The following CCDC102B variants were observed in gnomAD, a reference collection of about 807,000 sequenced individuals.
The protein encoded by CCDC102B is coiled-coil domain containing 102B.
Under a neutral mutation model 57.4 loss-of-function variants are expected in CCDC102B, and 75 were observed. The observed-to-expected ratio is 1.31, with a 90% confidence interval of 1.08 to 1.58. CCDC102B has a LOEUF of 1.58. Among genes scored for constraint, CCDC102B ranks in the 40% most tolerant of loss-of-function variants. CCDC102B has a pLI of 0.00. For missense variants in CCDC102B, 636 were observed against 582.6 expected, an observed-to-expected ratio of 1.09 and a Z score of -0.94; for synonymous variants, 206 against 201.9, an observed-to-expected ratio of 1.02 and a Z score of -0.17.
chr18:69,031,882 T>A (rs1358124569), intron 7 of CCDC102B, among the ~76,000 whole-genome samples: 3 of 152,198 alleles, frequency 2.0e-5, no homozygotes, highest in African/African-American at 7.2e-5. Context: ...GTAGGTTCAT[T>A]CTGAATTCTC....
upstream of CCDC102B, among the ~76,000 whole-genome samples, chr18:68,797,011 G>T (rs1310139251): frequency 1.3e-5 from 2 of 152,042 alleles, no homozygotes; most frequent in African/African-American, 4.8e-5. Flanking sequence ...AAGTTCATTG[G>T]CATACATGAA....
chr18:69,032,277 A>G (rs1273166277), intron 7 of CCDC102B, among the ~76,000 whole-genome samples: 3 of 152,212 alleles, frequency 2.0e-5, no homozygotes, highest in South Asian at 4.1e-4. Context: ...TTATTTCCCT[A>G]GGAACTTTAT....
chr18:68,878,906 GT>G (rs1393992049), intron 5 of CCDC102B, among the ~76,000 whole-genome samples: 1 of 152,188 alleles, frequency 6.6e-6, no homozygotes, highest in Admixed American at 6.5e-5. Context: ...GACCCTCGTG[GT>G]GAGTGTTACA....
chr18:68,892,381 G>A (rs2040110072), intron 5 of CCDC102B, among the ~76,000 whole-genome samples: 2 of 152,070 alleles, frequency 1.3e-5, no homozygotes. Flanking sequence ...TACCTTTACA[G>A]GACATCCACC....
intron 7 of CCDC102B, among the ~76,000 whole-genome samples, chr18:69,047,445 G>A (rs1453571598): frequency 6.6e-6 from 1 of 152,018 alleles, no homozygotes; most frequent in African/African-American, 2.4e-5. Flanking sequence ...TACTGAATGG[G>A]CAAAAGATGG....
intron 6 of CCDC102B, among the ~76,000 whole-genome samples, chr18:68,933,414 T>G (rs927809057): frequency 6.6e-6 from 1 of 151,936 alleles, no homozygotes; most frequent in Non-Finnish European, 1.5e-5. Flanking sequence ...TATTCTTAGT[T>G]TTAAATGTAA....
At chr18:68,838,644 GT>G in intron 2 of CCDC102B, 61 bp from the exon 3 acceptor site, 2 of 1,568,508 alleles carry the variant, frequency 1.3e-6, no homozygotes. Context: ...TTATGAAAAT[GT>G]TTTGTCATCA....
At chr18:68,875,177 A>G (rs1395799262) in intron 5 of CCDC102B, among the ~76,000 whole-genome samples, 1 of 152,166 alleles carries the variant, frequency 6.6e-6, no homozygotes, top group Non-Finnish European at 1.5e-5. Context: ...GAAGCTAACA[A>G]CAGTGAGAGA....
chr18:68,848,901 T>C (rs1220334176), intron 4 of CCDC102B, among the ~76,000 whole-genome samples: 1 of 152,114 alleles, frequency 6.6e-6, no homozygotes, highest in Non-Finnish European at 1.5e-5. Context: ...ATTTAAAAAT[T>C]AGTCTCAAGG....
intron 6 of CCDC102B, among the ~76,000 whole-genome samples, chr18:68,977,687 G>A (rs2050476294): frequency 6.6e-6 from 1 of 151,912 alleles, no homozygotes; most frequent in South Asian, 2.1e-4. Context: ...GACTGTCTAT[G>A]AGTCTGTGGA....
intron 6 of CCDC102B, among the ~76,000 whole-genome samples, chr18:69,001,280 G>A (rs201094215): frequency 6.6e-5 from 10 of 150,830 alleles, no homozygotes; most frequent in East Asian, 5.9e-4. Context: ...ACTTACCTCC[G>A]ACATAATCCT....
chr18:68,985,344 TGA>T (rs1387122078), intron 6 of CCDC102B, among the ~76,000 whole-genome samples: 6 of 152,158 alleles, frequency 3.9e-5, no homozygotes, highest in African/African-American at 1.4e-4. Context: ...TCGTTGATAC[TGA>T]GAGATATGAA....
At chr18:68,855,800 T>G (rs2038357359) in intron 4 of CCDC102B, among the ~76,000 whole-genome samples, 1 of 145,198 alleles carries the variant, frequency 6.9e-6, no homozygotes, top group East Asian at 1.9e-4. Flanking sequence ...ATAAAGAACA[T>G]ATACATGATG....
intron 1 of CCDC102B, among the ~76,000 whole-genome samples, chr18:68,807,454 T>C (rs1350876618): frequency 2.6e-5 from 4 of 152,126 alleles, no homozygotes; most frequent in Non-Finnish European, 5.9e-5. Context: ...AATTAAGATA[T>C]GACGTTACAG....
intron 1 of CCDC102B, among the ~76,000 whole-genome samples, chr18:68,830,643 T>TATAATATTGTATA (rs2037107035): frequency 2.1e-5 from 3 of 144,796 alleles, no homozygotes; most frequent in African/African-American, 8.3e-5. Context: ...ATTATGTTTA[T>TATAATATTGTATA]TCCATATATA....
chr18:68,795,789 T>G (rs888379045), upstream of CCDC102B, among the ~76,000 whole-genome samples: 1 of 152,156 alleles, frequency 6.6e-6, no homozygotes, highest in African/African-American at 2.4e-5. Flanking sequence ...TCAATATATC[T>G]TCTTAGAGGA....
chr18:68,840,992 A>G (rs895641017), intron 3 of CCDC102B, among the ~76,000 whole-genome samples: 1 of 152,024 alleles, frequency 6.6e-6, no homozygotes, highest in Non-Finnish European at 1.5e-5. Context: ...TTGTCTTCCT[A>G]CTCTCCTCTT....
At chr18:68,763,857 G>A (rs1439499752) in intron 2 of CCDC102B, among the ~76,000 whole-genome samples, 1 of 151,900 alleles carries the variant, frequency 6.6e-6, no homozygotes, top group African/African-American at 2.4e-5. Flanking sequence ...TAATAATAGA[G>A]TAACTGTGGC....
chr18:68,935,497 T>C (rs980125230), intron 6 of CCDC102B, among the ~76,000 whole-genome samples: 6 of 151,982 alleles, frequency 3.9e-5, no homozygotes, highest in African/African-American at 1.4e-4. Flanking sequence ...GTTTTATCTA[T>C]GTTAACTTTG....
Sources: gnomAD v4.1 joint callset for allele counts (sites outside exome capture counted in the v4.1 genomes callset) on GRCh38, gnomAD v4.1.1 for gene constraint, MANE v1.5 for transcripts, NCBI Gene and HGNC (gene_info 2026-07-23, HGNC 2026-07-21) for gene names.